MAST2: variants seen among roughly 807,000 people sequenced by gnomAD.
MAST2 encodes microtubule-associated serine/threonine-protein kinase 2.
In MAST2, 70 loss-of-function variants were observed where a neutral mutation model predicts 147.4. The ratio of observed to expected loss-of-function variants is 0.47; its 90% CI spans 0.39 to 0.58. The LOEUF (loss-of-function observed/expected upper bound fraction) is 0.58, where lower values mean the gene tolerates loss of function less well. Ranked by LOEUF, MAST2 falls within the 20% of genes least tolerant of loss-of-function variation. The pLI, the probability that MAST2 is intolerant of heterozygous loss-of-function variation, is 0.00. For missense variants in MAST2, 2,080 were observed against 2,302.3 expected (o/e 0.90, Z 1.98); for synonymous variants, 869 against 896.8 (o/e 0.97, Z 0.55).
At chr1:45,902,517 C>T (rs1360284396) in intron 4 of MAST2, among the ~76,000 whole-genome samples, 2 of 151,730 alleles carry the variant, frequency 1.3e-5, no homozygotes, top group Admixed American at 6.6e-5. Flanking sequence ...AAGAATCCCT[C>T]ATACTCAATT....
At chr1:45,845,239 G>A (rs890022212) in intron 3 of MAST2, among the ~76,000 whole-genome samples, 2 of 152,134 alleles carry the variant, frequency 1.3e-5, no homozygotes, top group African/African-American at 4.8e-5. Context: ...AAGGAGAACG[G>A]CATTATTAAA....
At chr1:45,917,501 C>T (rs776449974) in intron 4 of MAST2, 1 of 1,366,594 alleles carries the variant, frequency 7.3e-7, no homozygotes, top group Non-Finnish European at 9.8e-7. Flanking sequence ...GCAGTCCTGG[C>T]ACTCCTTGTT....
At chr1:45,935,370 T>G (rs910192473) in intron 4 of MAST2, among the ~76,000 whole-genome samples, 2 of 152,246 alleles carry the variant, frequency 1.3e-5, no homozygotes, top group Non-Finnish European at 2.9e-5. Flanking sequence ...TGATAATTTA[T>G]TTTGCTGTGC....
chr1:46,027,859 A>C lies in MAST2; in HGVS notation c.2048A>C (p.Lys683Thr). The C allele has an allele frequency of 3.1e-6, 5 of 1,614,144 alleles. No individual in the cohort carries two copies. The East Asian group carries it at 1.1e-4, about 36-fold the overall frequency. Residue 683 changes from lysine (K) to threonine (T), a missense_variant, in exon 17 of 29, where the codon AAG becomes ACG. Lys to Thr is a moderately conservative substitution (Grantham distance 78). This residue lies in a region of MAST2 where 209 missense variants were observed against 309.5 expected (regional missense o/e 0.68). Transcript: ENST00000361297. ...IEKDAREFLD[K>T]QVCGTPEYIA... ...AAGGATGCCCGGGAATTCCTGGACA[A>C]GCAGGTAAGGAAGGGTAGTTGATAC...
chr1:46,012,024 C>CA (rs1571201903), intron 10 of MAST2, among the ~76,000 whole-genome samples: 2 of 152,132 alleles, frequency 1.3e-5, no homozygotes, highest in East Asian at 3.8e-4. Context: ...GTTCCTTCTA[C>CA]AAAAATACCT....
chr1:45,866,783 C>T (rs965880834), intron 3 of MAST2, among the ~76,000 whole-genome samples: 4 of 151,932 alleles, frequency 2.6e-5, no homozygotes, highest in Non-Finnish European at 2.9e-5. Flanking sequence ...ACTCTGTCAC[C>T]CAGGCTGGAG....
chr1:45,871,772 A>G (rs1646402045), intron 3 of MAST2, among the ~76,000 whole-genome samples: 1 of 152,220 alleles, frequency 6.6e-6, no homozygotes, highest in Non-Finnish European at 1.5e-5. Flanking sequence ...AGGCCCTAGA[A>G]TGTTCACCAC....
intron 5 of MAST2, among the ~76,000 whole-genome samples, chr1:45,960,226 C>T (rs1056863645): frequency 1.3e-5 from 2 of 152,210 alleles, no homozygotes; most frequent in Non-Finnish European, 2.9e-5. Context: ...AATTATGAGG[C>T]AGCTGGGCAC....
chr1:45,837,494 T>G (rs1013471018), intron 3 of MAST2, among the ~76,000 whole-genome samples: 1 of 152,214 alleles, frequency 6.6e-6, no homozygotes, highest in East Asian at 1.9e-4. Context: ...CATGGGTATA[T>G]AGACTTTTCC....
At chr1:45,899,668 A>G (rs1017459415) in intron 4 of MAST2, among the ~76,000 whole-genome samples, 10 of 152,064 alleles carry the variant, frequency 6.6e-5, no homozygotes, top group African/African-American at 2.2e-4. Context: ...ATAGTATTCC[A>G]TGGTATATAT....
At chr1:45,838,423 A>G (rs568487169) in intron 3 of MAST2, among the ~76,000 whole-genome samples, 1 of 149,520 alleles carries the variant, frequency 6.7e-6, no homozygotes, top group African/African-American at 2.5e-5. Context: ...GGGTTTTGCC[A>G]TGTTGGCCAG....
chr1:46,029,481 C>T lies in MAST2; in HGVS notation c.2234C>T (p.Pro745Leu). The T allele has an allele frequency of 1.9e-6, 3 of 1,613,946 alleles. No homozygotes were observed. The highest frequency in any genetic ancestry group is 2.5e-6 in the Non-Finnish European group (3 of 1,179,916). ...GQVISDEIVW[P>L]EGDEALPPDA... Reference sequence around the variant, plus strand: ...ATGACTTCAGATGAGATTGTGTGGCCTGAGGGTGATGAGGCACTGCCCCCA... The same window carrying T: ...ATGACTTCAGATGAGATTGTGTGGCTTGAGGGTGATGAGGCACTGCCCCCA... The change falls in exon 19 of 29, where the codon CCT (proline) becomes CTT (leucine). Residue 745 changes from proline (P) to leucine (L), a missense_variant. Around this residue, in one of 4 missense-constraint regions of MAST2, gnomAD observed 209 missense variants for 309.5 expected, o/e 0.68. Coordinates refer to ENST00000361297, the MANE Select transcript of MAST2 (RefSeq NM_015112.3).
intron 5 of MAST2, among the ~76,000 whole-genome samples, chr1:45,977,187 A>G (rs966641809): frequency 6.6e-6 from 1 of 152,240 alleles, no homozygotes; most frequent in Non-Finnish European, 1.5e-5. Context: ...AAATTTGACT[A>G]CATTTAAAAT....
chr1:45,987,776 G>GTTTTTTTTTTTTT (rs1644692974), intron 5 of MAST2, among the ~76,000 whole-genome samples: 44 of 30,674 alleles, frequency 1.4e-3, no homozygotes, highest in Admixed American at 2.1e-3. Context: ...TTTTTTTTTT[G>GTTTTTTTTTTTTT]ATTTTTTTTT....
chr1:46,032,471 G>A, intron 25 of MAST2, 67 bp downstream of exon 25: 2 of 1,601,402 alleles, frequency 1.2e-6, no homozygotes, highest in Admixed American at 1.7e-5. Flanking sequence ...CCTTTGTGGA[G>A]CCCATCTGTC....
chr1:45,930,948 C>G (rs964613735), intron 4 of MAST2, among the ~76,000 whole-genome samples: 1 of 152,148 alleles, frequency 6.6e-6, no homozygotes, highest in African/African-American at 2.4e-5. Context: ...TTGTCCTAAC[C>G]CATACTGAAT....
intron 3 of MAST2, among the ~76,000 whole-genome samples, chr1:45,865,804 A>G (rs1176352039): frequency 6.6e-6 from 1 of 152,194 alleles, no homozygotes; most frequent in African/African-American, 2.4e-5. Context: ...AAATTTGATG[A>G]TTATTTTTTT....
At chr1:45,836,645 A>G (rs1645110018) in intron 3 of MAST2, among the ~76,000 whole-genome samples, 1 of 152,108 alleles carries the variant, frequency 6.6e-6, no homozygotes, top group South Asian at 2.1e-4. Context: ...TGCATTTTCT[A>G]CTGTGAAAGG....
chr1:45,886,439 C>G (rs1286370620), intron 4 of MAST2, among the ~76,000 whole-genome samples: 1 of 151,766 alleles, frequency 6.6e-6, no homozygotes, highest in Non-Finnish European at 1.5e-5. Flanking sequence ...ACGATAAGGG[C>G]TTTATTGGGG....
Sources: allele counts gnomAD v4.1 joint callset (sites outside exome capture counted in the v4.1 genomes callset), GRCh38; gene constraint gnomAD v4.1.1; regional missense constraint gnomAD v4.1.1; transcripts MANE v1.5; gene names NCBI Gene and HGNC (gene_info 2026-07-23, HGNC 2026-07-21).